The following SLC26A4 variants were observed in gnomAD, a reference collection of about 807,000 sequenced individuals.
The protein encoded by SLC26A4 is pendrin.
SLC26A4 carries 93 observed loss-of-function variants against 90.4 expected under a neutral mutation model. The ratio of observed to expected loss-of-function variants is 1.03; its 90% CI spans 0.87 to 1.22. The LOEUF is 1.22. Among genes scored for constraint, SLC26A4 ranks in the 50% most tolerant of loss-of-function variants. The pLI is 0.00. For missense variants in SLC26A4, 1,127 were observed against 946.2 expected (o/e 1.19, Z -2.51); for synonymous variants, 393 against 354.6 (o/e 1.11, Z -1.22).
intron 9 of SLC26A4, 61 bp downstream of exon 9, chr7:107,689,261 T>C (rs1584324348): frequency 4.4e-6 from 7 of 1,575,780 alleles, no homozygotes; most frequent in Non-Finnish European, 6.1e-6. Context: ...AAAACATAAA[T>C]GGAAAAGATT....
chr7:107,661,894 G>C lies in SLC26A4; in HGVS notation c.164+89G>C. On this transcript the variant is annotated intron_variant, in intron 2 of 20. Transcript: ENST00000644269. This position sits in a 1 kb window ranked among gnomAD's most constrained non-coding sequence, Gnocchi z 5.1. Reference sequence around the variant, plus strand: ...AGGGCGTCCCCAGCGGGCGAGAGTGGGGTGCGGGCGGCGGAGCCCCTGGGC... The same window carrying C: ...AGGGCGTCCCCAGCGGGCGAGAGTGCGGTGCGGGCGGCGGAGCCCCTGGGC... 3.5e-6 allele frequency: 5 copies of C among 1,411,034 alleles called. No individual in the cohort carries two copies. The highest frequency in any genetic ancestry group is 1.4e-5 in the South Asian group (1 of 71,628). The allele number at this position is 1,411,034 out of a possible 1,614,324, so 87.4% of individuals were successfully genotyped here. A position where few individuals can be genotyped will look rare whatever the true frequency, so the allele number is the denominator to read the frequency against.
chr7:107,692,168 C>A, intron 10 of SLC26A4: 1 of 989,706 alleles, frequency 1.0e-6, no homozygotes, highest in Non-Finnish European at 1.3e-6. Context: ...CACATACTGG[C>A]ATGTATTATA....
intron 18 of SLC26A4, among the ~76,000 whole-genome samples, chr7:107,708,406 T>C (rs1240406634): frequency 6.6e-6 from 1 of 152,220 alleles, no homozygotes; most frequent in Non-Finnish European, 1.5e-5. Context: ...TTACTCTCTT[T>C]TCAATTTTCT....
intron 3 of SLC26A4, among the ~76,000 whole-genome samples, chr7:107,666,300 C>G (rs937123646): frequency 1.3e-5 from 2 of 152,196 alleles, no homozygotes; most frequent in Non-Finnish European, 2.9e-5. Context: ...CAGCTCACCA[C>G]AGCCTTGGCC....
At chr7:107,682,041 T>C (rs1385509697) in intron 6 of SLC26A4, among the ~76,000 whole-genome samples, 1 of 144,836 alleles carries the variant, frequency 6.9e-6, no homozygotes, top group Non-Finnish European at 1.5e-5. Flanking sequence ...TGGAGGGTGA[T>C]GTGGAAGGAT....
At position 107,683,538 on chromosome 7, in the gene SLC26A4, G is replaced by T. The variant is rs80338849; in HGVS notation, c.1001+1G>T. 10 of 1,612,614 alleles carry T rather than the reference G, an allele frequency of 6.2e-6. No homozygotes were observed. In the Admixed American group the frequency reaches 1.5e-4, roughly 24 times the overall value. On this transcript the variant is annotated splice_donor_variant, in intron 8 of 20. Coordinates refer to ENST00000644269, the MANE Select transcript of SLC26A4 (RefSeq NM_000441.2). LOFTEE classifies it high-confidence loss of function. ...GCATTGTTAAATCCATCCCAAGGGG[G>T]TGAGTGTGGTGTTCCTCTTAGTACT...
chr7:107,714,164 A>G (rs1027139817), intron 20 of SLC26A4, among the ~76,000 whole-genome samples: 4 of 151,908 alleles, frequency 2.6e-5, no homozygotes, highest in Admixed American at 1.3e-4. Context: ...GACCTCAAGT[A>G]ATCCACCTGC....
intron 20 of SLC26A4, among the ~76,000 whole-genome samples, chr7:107,713,502 C>T (rs1272382691): frequency 1.3e-5 from 2 of 152,190 alleles, no homozygotes; most frequent in East Asian, 3.9e-4. Context: ...GAATAGTTCT[C>T]ATGTCTCCAG....
intron 6 of SLC26A4, among the ~76,000 whole-genome samples, chr7:107,682,374 A>G (rs1295753345): frequency 6.6e-6 from 1 of 152,032 alleles, no homozygotes; most frequent in South Asian, 2.1e-4. Flanking sequence ...ATTCAGCTTT[A>G]GGAATTAAAA....
chr7:107,694,723 C>T lies in SLC26A4; in HGVS notation c.1437+7C>T, dbSNP rs559614118. The T allele has an allele frequency of 4.5e-6, 7 of 1,547,328 alleles. No homozygotes were observed. The highest frequency in any genetic ancestry group is 6.3e-6 in the Non-Finnish European group (7 of 1,119,370). On this transcript the variant is annotated splice_region_variant and intron_variant, in intron 12 of 20. Transcript: ENST00000644269. ...ACAGAATAAGATTGATGCTGTAAGT[C>T]ACCTACCACCTATATTTATCTGAAA... is the stretch of plus-strand genomic sequence containing the variant.
chr7:107,665,477 A>C (rs986460096), intron 3 of SLC26A4, among the ~76,000 whole-genome samples: 2 of 152,102 alleles, frequency 1.3e-5, no homozygotes, highest in Non-Finnish European at 2.9e-5. Context: ...ACACCCTGTG[A>C]CTCCTGGGGG....
chr7:107,706,858 A>C (rs1244470378), intron 18 of SLC26A4, among the ~76,000 whole-genome samples: 3 of 152,192 alleles, frequency 2.0e-5, no homozygotes, highest in Admixed American at 1.3e-4. Context: ...CAAATGTTTC[A>C]ATTTTTGTTT....
At chr7:107,660,895 G>T (rs1790521761) in intron 1 of SLC26A4, 40 bp downstream of exon 1, 1 of 152,342 alleles carries the variant, frequency 6.6e-6, no homozygotes, top group South Asian at 2.1e-4. Flanking sequence ...CCCGGCCCGG[G>T]CTCCACTCCC....
intron 6 of SLC26A4, among the ~76,000 whole-genome samples, chr7:107,680,104 TTATTA>T (rs1791168399): frequency 2.1e-5 from 2 of 93,126 alleles, no homozygotes; most frequent in Non-Finnish European, 4.1e-5. Flanking sequence ...TAATCTTATC[TTATTA>T]TATAATATAA....
chr7:107,686,400 C>CTTTTT (rs1203528189), intron 8 of SLC26A4, among the ~76,000 whole-genome samples: 27 of 82,930 alleles, frequency 3.3e-4, no homozygotes, highest in Admixed American at 4.7e-4. Flanking sequence ...CTTCCTCTCT[C>CTTTTT]TCTTTTTTCT....
chr7:107,693,490 AGTT>A (rs2129316681), intron 10 of SLC26A4: 1 of 985,334 alleles, frequency 1.0e-6, no homozygotes, highest in South Asian at 4.7e-5. Context: ...AAATCTTCCC[AGTT>A]GTTTCCTCTC....
chr7:107,672,213 A>G lies in SLC26A4; in HGVS notation c.380A>G (p.Tyr127Cys), dbSNP rs1790888662. 1 of 1,609,970 alleles carries G rather than the reference A, an allele frequency of 6.2e-7. No individual in the cohort carries two copies. The highest frequency in any genetic ancestry group is 1.1e-5 in the South Asian group (1 of 91,000). Residue 127 changes from tyrosine to cysteine, a missense_variant, in exon 4 of 21, where the codon TAC (tyrosine) becomes TGC (cysteine). Tyr to Cys is a radical substitution (Grantham distance 194). Coordinates refer to ENST00000644269, the MANE Select transcript of SLC26A4 (RefSeq NM_000441.2). ...TCTGCTTTTTTCCCTATCCTGACAT[A>G]CTTTATCTTTGGAACATCAAGACAT... ...LYSAFFPILT[Y>C]FIFGTSRHIS... is the part of the protein sequence containing the mutation.
chr7:107,713,906 T>C (rs570271965), intron 20 of SLC26A4, among the ~76,000 whole-genome samples: 3 of 110,884 alleles, frequency 2.7e-5, no homozygotes, highest in Non-Finnish European at 5.4e-5. Flanking sequence ...TGTATTATTA[T>C]TAGTATTATT....
At chr7:107,666,129 T>A (rs1790705829) in intron 3 of SLC26A4, among the ~76,000 whole-genome samples, 1 of 152,222 alleles carries the variant, frequency 6.6e-6, no homozygotes, top group Non-Finnish European at 1.5e-5. Flanking sequence ...GGGAATTAAA[T>A]AAGTAGATAA....
Sources: allele counts gnomAD v4.1 joint callset (sites outside exome capture counted in the v4.1 genomes callset), GRCh38; gene constraint gnomAD v4.1.1; non-coding constraint Gnocchi (gnomAD v3.1); transcripts MANE v1.5; gene names NCBI Gene and HGNC (gene_info 2026-07-23, HGNC 2026-07-21).